MST1: variants seen among roughly 807,000 people sequenced by gnomAD.
The protein encoded by MST1 is macrophage stimulating 1.
In MST1, 76 loss-of-function variants were observed where a neutral mutation model predicts 100.1. That is an observed-to-expected ratio of 0.76 (90% CI 0.63 to 0.92). MST1 has a LOEUF of 0.92. Among genes scored for constraint, MST1 ranks in the 40% least tolerant of loss-of-function variants. MST1 has a pLI of 0.00. For synonymous variants in MST1, 352 were observed against 385.4 expected (o/e 0.91, Z 1.01); for missense variants, 850 against 990.0 (o/e 0.86, Z 1.90).
chr3:49,685,982 C>G lies in MST1; in HGVS notation c.1148-20G>C. The G allele has an allele frequency of 6.2e-7, 1 of 1,603,582 alleles. No homozygotes were observed. The highest frequency in any genetic ancestry group is 8.5e-7 in the Non-Finnish European group (1 of 1,177,284). ...AGCAGTCTGTGGCGGGTGCGGGCAG[C>G]CATCAGGCCGAGACCTCGCCCCGGC... On this transcript the variant is annotated intron_variant, in intron 9 of 17. Coordinates refer to ENST00000449682, the MANE Select transcript of MST1 (RefSeq NM_020998.4).
In MST1 at chr3:49,684,813, C is replaced by G; in HGVS notation, c.1694G>C (p.Ser565Thr). 1 of 1,613,504 alleles carries G rather than the reference C, an allele frequency of 6.2e-7. No homozygotes were observed. The highest frequency in any genetic ancestry group is 8.5e-7 in the Non-Finnish European group (1 of 1,179,870). The stretch of plus-strand genomic sequence containing the variant: ...CTTGGCTACTGGGACCCGCTGTAGG[C>G]TTGGCTCTCCATGCTGTGGGTTCTG... The part of the protein sequence containing the change: ...LFQNPQHGEP[S>T]LQRVPVAKMV... Residue 565 changes from serine to threonine, a missense_variant, in exon 15 of 18, where the codon AGC becomes ACC. By Grantham distance (58) the Ser-to-Thr change is moderately conservative. Coordinates refer to ENST00000449682, the MANE Select transcript of MST1 (RefSeq NM_020998.4).
At position 49,684,846 on chromosome 3, in the gene MST1, G is replaced by C. The variant is rs748418145; in HGVS notation, c.1661C>G (p.Thr554Ser). The C allele has an allele frequency of 1.2e-6, 2 of 1,613,574 alleles. No individual in the cohort carries two copies. Among genetic ancestry groups the C allele is most frequent in the South Asian group, 2.2e-5 (2 of 91,080 alleles). Residue 554 changes from threonine to serine, a missense_variant, in exon 15 of 18, where the codon ACC becomes AGC. Around this residue, in one of 2 missense-constraint regions of MST1, gnomAD observed 816 missense variants for 924.6 expected, o/e 0.88. Transcript: ENST00000449682. Reference protein sequence around the residue: ...PLTGYEVWLGTLFQNPQHGEP... With the variant: ...PLTGYEVWLGSLFQNPQHGEP... ...TCCATGCTGTGGGTTCTGGAACAGGGTGCCCAACCATACCTCATAGCCCGT... is the reference window on the plus strand; with the variant it reads ...TCCATGCTGTGGGTTCTGGAACAGGCTGCCCAACCATACCTCATAGCCCGT...
Position 49,686,169 on chromosome 3 carries a change from C to T in MST1, c.1040G>A (p.Arg347Gln), listed in dbSNP as rs774919205. The T allele has an allele frequency of 1.1e-5, 17 of 1,611,586 alleles. No individual in the cohort carries two copies. The East Asian group carries it at 1.1e-4, about 11-fold the overall frequency. Reference sequence around the variant, plus strand: ...GGGCGCCTCTGAGCCGTCGGGGTTCCGGCAGAAGTTCTCCCGAAGGTCTCT... The same window carrying T: ...GGGCGCCTCTGAGCCGTCGGGGTTCTGGCAGAAGTTCTCCCGAAGGTCTCT... Reference protein sequence around the residue: ...ACKDLRENFCRNPDGSEAPWC... With the variant: ...ACKDLRENFCQNPDGSEAPWC... Residue 347 changes from arginine to glutamine, a missense_variant, in exon 9 of 18, where the codon CGG becomes CAG. Transcript: ENST00000449682.
rs1240765341 is a variant in MST1 at position 49,685,370 on chromosome 3, A to G, written c.1436T>C (p.Phe479Ser). ...SILDPPDQVQ[F>S]EKCGKRVDRL... is the part of the protein sequence containing the mutation. ...ATCCACCCTCTTGCCACACTTCTCA[A>G]ACTGCACCTGGTCTGTAGGATGGGG... The change falls in exon 13 of 18, where the codon TTT (phenylalanine) becomes TCT (serine). Residue 479 changes from phenylalanine to serine, a missense_variant. Phe to Ser is a radical substitution (Grantham distance 155). Around this residue, in one of 2 missense-constraint regions of MST1, gnomAD observed 816 missense variants for 924.6 expected, o/e 0.88. Transcript: ENST00000449682. The G allele has an allele frequency of 1.2e-6, 2 of 1,613,572 alleles. No individual in the cohort carries two copies. The highest frequency in any genetic ancestry group is 1.7e-5 in the Admixed American group (1 of 59,994).
At position 49,686,122 on chromosome 3, in the gene MST1, C is replaced by G. The variant is rs1442053120; in HGVS notation, c.1087G>C (p.Gly363Arg). Residue 363 changes from glycine to arginine, a missense_variant, in exon 9 of 18, where the codon GGC becomes CGC. This residue lies in a region of MST1 where 816 missense variants were observed against 924.6 expected (regional missense o/e 0.88). Transcript: ENST00000449682. Reference sequence around the variant, plus strand: ...TGGTAGCAAAAGGCCGCGCGCATGCCGGGCCGCAGTGTGAAGCACCAGGGC... The same window carrying G: ...TGGTAGCAAAAGGCCGCGCGCATGCGGGGCCGCAGTGTGAAGCACCAGGGC... ...EAPWCFTLRPGMRAAFCYQIR... is the reference protein window; with the variant it reads ...EAPWCFTLRPRMRAAFCYQIR... The G allele has an allele frequency of 1.9e-6, 3 of 1,610,970 alleles. No individual in the cohort carries two copies. In the Admixed American group the frequency reaches 5.0e-5, roughly 27 times the overall value.
chr3:49,686,527 C>T (rs2053773915), intron 7 of MST1, 46 bp from the exon 8 acceptor site: 1 of 1,603,254 alleles, frequency 6.2e-7, no homozygotes, highest in Non-Finnish European at 8.5e-7. Flanking sequence ...GAGCTGAGAT[C>T]CCTCTGGGGC....
chr3:49,685,549 G>T, intron 11 of MST1, 43 bp from the exon 12 acceptor site: 1 of 1,613,328 alleles, frequency 6.2e-7, no homozygotes. Context: ...CCAGCCTTTG[G>T]GTGGGGGCTG....
chr3:49,685,776 C>T (rs1036872148), intron 10 of MST1, 44 bp from the exon 11 acceptor site: 97 of 1,612,730 alleles, frequency 6.0e-5, no homozygotes, highest in Non-Finnish European at 7.7e-5. Context: ...TAGTCTCAAC[C>T]ATTTCCAGGC....
chr3:49,687,517 C>T (rs1273832849), intron 3 of MST1, 39 bp from the exon 4 acceptor site: 3 of 1,613,292 alleles, frequency 1.9e-6, no homozygotes, highest in African/African-American at 1.3e-5. Context: ...GGGCTGAGGT[C>T]CCCTGTCTCC....
chr3:49,686,968 T>C lies in MST1; in HGVS notation c.707A>G (p.Gln236Arg), dbSNP rs1358813484. The stretch of plus-strand genomic sequence containing the variant: ...GTACTTGCCCGGCTCGAAGGGGTGC[T>C]GGTGCGGGTGCTGAAGATCCCAGCG... Reference protein sequence around the residue: ...CQRWDLQHPHQHPFEPGKFLD... With the variant: ...CQRWDLQHPHRHPFEPGKFLD... Residue 236 changes from glutamine to arginine, a missense_variant, in exon 6 of 18, where the codon CAG (glutamine) becomes CGG (arginine). Transcript: ENST00000449682. The C allele has an allele frequency of 2.5e-6, 4 of 1,611,202 alleles. No individual in the cohort carries two copies. The highest frequency in any genetic ancestry group is 1.7e-5 in the Admixed American group (1 of 60,014).
In MST1 at chr3:49,685,657, C is replaced by T; in HGVS notation, c.1326G>A (p.Gly442=). 2 of 1,613,432 alleles carry T rather than the reference C, an allele frequency of 1.2e-6. No homozygotes were observed. Among genetic ancestry groups the T allele is most frequent in the Non-Finnish European group, 8.5e-7 (1 of 1,179,862 alleles). The change falls in exon 11 of 18, where the codon GGG becomes GGA. Residue 442 remains glycine, a synonymous_variant. Transcript: ENST00000449682. ...TTGGGTCCATCGTGTAGCACCAGGG[C>T]CCATGGCTATCCCCATCTGGGTTCC... ...FCRNPDGDSH[G]PWCYTMDPRT...
Position 49,684,644 on chromosome 3 carries a change from C to T in MST1, c.1782G>A (p.Leu594=), listed in dbSNP as rs758522563. ...GGCAGATCAGGGCCACACGCTGGTT[C>T]AGGGTCACAGATCTTTAGCAAGAAT... The part of the protein sequence containing the change: ...VLLKLERSVT[L]NQRVALICLP... Residue 594 remains leucine, a synonymous_variant, in exon 16 of 18, where the codon CTG becomes CTA. Transcript: ENST00000449682. 5.0e-6 allele frequency: 8 copies of T among 1,613,590 alleles called. No individual in the cohort carries two copies. The South Asian group carries it at 7.7e-5, about 16-fold the overall frequency.
Position 49,687,771 on chromosome 3 carries a change from C to T in MST1, c.221G>A (p.Cys74Tyr), listed in dbSNP as rs1218786482. The change falls in exon 2 of 18, where the codon TGT (cysteine) becomes TAT (tyrosine). Residue 74 changes from cysteine to tyrosine, a missense_variant. Physicochemically the swap from Cys to Tyr is radical, Grantham distance 194. Coordinates refer to ENST00000449682, the MANE Select transcript of MST1 (RefSeq NM_020998.4). ...VADAEECAGR[C>Y]GPLMDCRAFH... ...TCACCGGCAGTCCATTAAGGGCCCA[C>T]AGCGACCAGCACACTCTTCAGCATC... The T allele has an allele frequency of 6.2e-7, 1 of 1,613,624 alleles. No individual in the cohort carries two copies. Among genetic ancestry groups the T allele is most frequent in the African/African-American group, 1.3e-5 (1 of 75,062 alleles).
In MST1 at chr3:49,683,992, T is replaced by C; in HGVS notation, c.*36A>G. ...ATGGCTTTATGTCTGACAAGAAGTT[T>C]TGTCCTCCCCAAGGCATATGGCATC... is the stretch of plus-strand genomic sequence containing the variant. On this transcript the variant is annotated 3_prime_UTR_variant, in exon 18 of 18. Coordinates refer to ENST00000449682, the MANE Select transcript of MST1 (RefSeq NM_020998.4). 1 of 1,599,830 alleles carries C rather than the reference T, an allele frequency of 6.3e-7. No individual in the cohort carries two copies. The highest frequency in any genetic ancestry group is 8.5e-7 in the Non-Finnish European group (1 of 1,173,452).
In MST1 at chr3:49,685,857, C is replaced by G. The variant is rs1303669390; in HGVS notation, c.1250+3G>C. On this transcript the variant is annotated splice_donor_region_variant and intron_variant, in intron 10 of 17. Transcript: ENST00000449682. ...GGCGGGGCCGGGAGCACCAGGGACT[C>G]ACTGCGGCTTGTGCGGCGTCTCAGC... 3 of 1,611,248 alleles carry G rather than the reference C, an allele frequency of 1.9e-6. No homozygotes were observed. In the African/African-American group the frequency reaches 4.0e-5, roughly 22 times the overall value.
chr3:49,686,830 G>A lies in MST1; in HGVS notation c.729-28C>T, dbSNP rs769009075. On this transcript the variant is annotated intron_variant, in intron 6 of 17. Coordinates refer to ENST00000449682, the MANE Select transcript of MST1 (RefSeq NM_020998.4). The stretch of plus-strand genomic sequence containing the variant: ...GGGGGCGGTAATGGGGCGTGAACAA[G>A]ACCCTGGGACTCTGGCTTATCTGGC... The A allele has an allele frequency of 1.4e-5, 22 of 1,612,640 alleles. No homozygotes were observed. In the South Asian group the frequency reaches 1.4e-4, roughly 10 times the overall value.
chr3:49,685,263 G>A lies in MST1; in HGVS notation c.1543C>T (p.Arg515Trp), dbSNP rs754312726. The A allele has an allele frequency of 6.8e-6, 11 of 1,613,222 alleles. No individual in the cohort carries two copies. The highest frequency in any genetic ancestry group is 6.7e-5 in the East Asian group (3 of 44,872). Residue 515 changes from arginine to tryptophan, a missense_variant and splice_region_variant, in exon 13 of 18, where the codon CGG becomes TGG. Arg to Trp is a moderately radical substitution (Grantham distance 101, BLOSUM62 -3). Coordinates refer to ENST00000449682, the MANE Select transcript of MST1 (RefSeq NM_020998.4). ...NSPWTVSLRN[R>W]QGQHFCGGSL... ...GGGAGACAGGCAGTTGTGCCTCACC[G>A]ATTCCGCAAGCTGACTGTCCAGGGT...
Position 49,686,804 on chromosome 3 carries a change from T to A in MST1, c.729-2A>T. The A allele has an allele frequency of 6.2e-7, 1 of 1,612,518 alleles. No homozygotes were observed. Among genetic ancestry groups the A allele is most frequent in the Non-Finnish European group, 8.5e-7 (1 of 1,179,796 alleles). On this transcript the variant is annotated splice_acceptor_variant, in intron 6 of 17. Transcript: ENST00000449682. LOFTEE classifies it high-confidence loss of function. ...TCGTCCAGACCTTGGTCGAGGAACC[T>A]GGGGGCGGTAATGGGGCGTGAACAA...
chr3:49,688,480 G>A (rs1357079136), intron 1 of MST1, 118 bp downstream of exon 1: 3 of 885,412 alleles, frequency 3.4e-6, no homozygotes, highest in Non-Finnish European at 5.2e-6. Context: ...AGAGGGCAAG[G>A]TCACTGCCCC....
Sources: allele counts gnomAD v4.1 joint callset, GRCh38; gene constraint gnomAD v4.1.1; regional missense constraint gnomAD v4.1.1; transcripts MANE v1.5; gene names NCBI Gene and HGNC (gene_info 2026-07-23, HGNC 2026-07-21).